Variants in YPEL2 observed in about 807,000 individuals in gnomAD.
YPEL2 encodes protein yippee-like 2.
In YPEL2, 2 loss-of-function variants were observed where a neutral mutation model predicts 19.1. The observed-to-expected ratio is 0.10, with a 90% CI of 0.04 to 0.33. The LOEUF (loss-of-function observed/expected upper bound fraction) is 0.33. YPEL2 is among the 10% of genes least tolerant of loss of function. The probability of loss-of-function intolerance (pLI) is 1.00; values close to 1 mark genes in which losing one functional copy is unlikely to be tolerated. For synonymous variants in YPEL2, 52 were observed against 50.0 expected (o/e 1.04, Z -0.17); for missense variants, 66 against 140.7 (o/e 0.47, Z 2.68).
intron 2 of YPEL2, among the ~76,000 whole-genome samples, chr17:59,364,479 C>A (rs556523144): frequency 1.3e-5 from 2 of 152,294 alleles, no homozygotes; most frequent in African/African-American, 2.4e-5. Flanking sequence ...TTCCCCCCTG[C>A]GTCTTCTGAG....
At chr17:59,335,218 A>G (rs1168089431) in intron 1 of YPEL2, among the ~76,000 whole-genome samples, 2 of 152,218 alleles carry the variant, frequency 1.3e-5, no homozygotes, top group African/African-American at 2.4e-5. Context: ...GAGTCTGTGA[A>G]GTATTGTACT....
intron 2 of YPEL2, among the ~76,000 whole-genome samples, chr17:59,376,861 A>G (rs1035436643): frequency 1.3e-5 from 2 of 150,726 alleles, no homozygotes; most frequent in Non-Finnish European, 2.9e-5. Context: ...AGGCAGGAAA[A>G]TCACTTGAAC....
chr17:59,394,650 G>A (rs1295906380), intron 4 of YPEL2, among the ~76,000 whole-genome samples: 1 of 151,686 alleles, frequency 6.6e-6, no homozygotes, highest in Non-Finnish European at 1.5e-5. Flanking sequence ...GACGATGGGC[G>A]GCCAGGCAGA....
intron 2 of YPEL2, among the ~76,000 whole-genome samples, chr17:59,381,557 T>G (rs1474849678): frequency 6.6e-6 from 1 of 152,214 alleles, no homozygotes; most frequent in Non-Finnish European, 1.5e-5. Flanking sequence ...TTTTCAGTGG[T>G]TCTCCTACTT....
intron 1 of YPEL2, among the ~76,000 whole-genome samples, chr17:59,346,422 C>T (rs1178604728): frequency 6.6e-6 from 1 of 152,098 alleles, no homozygotes; most frequent in East Asian, 1.9e-4. Context: ...TTGTGGTTTT[C>T]CTGGGCATCA....
intron 2 of YPEL2, among the ~76,000 whole-genome samples, chr17:59,375,189 G>A (rs1286659359): frequency 2.6e-5 from 4 of 152,118 alleles, no homozygotes; most frequent in East Asian, 1.9e-4. Context: ...TGACCTTTGC[G>A]CATAGGGAGG....
chr17:59,376,570 C>T (rs1567752151), intron 2 of YPEL2, among the ~76,000 whole-genome samples: 1 of 152,108 alleles, frequency 6.6e-6, no homozygotes, highest in Non-Finnish European at 1.5e-5. Context: ...GTACTTTTCT[C>T]ATCTGTAAGG....
At position 59,392,158 on chromosome 17, in the gene YPEL2, C is replaced by T. The variant is rs115686587; in HGVS notation, c.270+2690C>T. Among the ~76,000 whole-genome samples the T allele has an allele frequency of 3.9e-3, 599 of 152,296 alleles. 3 individuals carry two copies. Among genetic ancestry groups the T allele is most frequent in the African/African-American group, 0.013 (556 of 41,564 alleles). ...CAAGTGCAGAAAAGTTCTGCCCCTGCCCCTGTTTCCCAGCCTCTTGGCTGT... is the reference window on the plus strand; with the variant it reads ...CAAGTGCAGAAAAGTTCTGCCCCTGTCCCTGTTTCCCAGCCTCTTGGCTGT... On this transcript the variant is annotated intron_variant, in intron 4 of 4. Coordinates refer to ENST00000312655, the MANE Select transcript of YPEL2 (RefSeq NM_001005404.4).
At chr17:59,383,587 AAAAAAAAAAAAAAAAAAAAAAAATAT>A (rs1384720023) in intron 2 of YPEL2, among the ~76,000 whole-genome samples, 2 of 38,778 alleles carry the variant, frequency 5.2e-5, no homozygotes, top group African/African-American at 2.4e-4. Flanking sequence ...AAAAAAAAAA[AAAAAAAAAAAAAAAAAAAAAAAATAT>A]ATATATATAT....
At chr17:59,394,643 G>A (rs1035804649) in intron 4 of YPEL2, among the ~76,000 whole-genome samples, 3 of 151,350 alleles carry the variant, frequency 2.0e-5, no homozygotes, top group Non-Finnish European at 4.4e-5. Context: ...CATCCCAGAC[G>A]ATGGGCGGCC....
intron 4 of YPEL2, among the ~76,000 whole-genome samples, chr17:59,395,635 G>C (rs2048035070): frequency 6.6e-6 from 1 of 152,124 alleles, no homozygotes; most frequent in Non-Finnish European, 1.5e-5. Flanking sequence ...GGACTGCCAG[G>C]TTCTCTGGCC....
chr17:59,347,989 A>T (rs1817881540), intron 1 of YPEL2, among the ~76,000 whole-genome samples: 1 of 151,996 alleles, frequency 6.6e-6, no homozygotes, highest in African/African-American at 2.4e-5. Flanking sequence ...AAAATAATAG[A>T]TGAAATTTTG....
At chr17:59,378,345 T>G (rs1598046571) in intron 2 of YPEL2, among the ~76,000 whole-genome samples, 1 of 94,608 alleles carries the variant, frequency 1.1e-5, no homozygotes, top group African/African-American at 6.6e-5. Context: ...CAGAGTCTCC[T>G]CCTTTTTTTT....
chr17:59,364,551 C>T (rs958182178), intron 2 of YPEL2, among the ~76,000 whole-genome samples: 10 of 151,994 alleles, frequency 6.6e-5, no homozygotes, highest in South Asian at 2.1e-4. Flanking sequence ...GGTATAACTC[C>T]GAGCCCAACC....
At chr17:59,383,121 AGT>A (rs1257011432) in intron 2 of YPEL2, among the ~76,000 whole-genome samples, 2 of 152,230 alleles carry the variant, frequency 1.3e-5, no homozygotes, top group Admixed American at 6.5e-5. Context: ...ATAGGAATTG[AGT>A]GTGCAGGCAT....
rs1484546857 is a variant in YPEL2, at chr17:59,400,769, TTTC to T, written c.*3580_*3582del. The stretch of plus-strand genomic sequence containing the variant: ...GCGCGCACACGTGTGTAAAAAGCAC[TTTC>T]GATTGTGCCTCCTGTTTTCTCGAGT... On this transcript the variant is annotated 3_prime_UTR_variant, in exon 5 of 5. Coordinates refer to ENST00000312655, the MANE Select transcript of YPEL2 (RefSeq NM_001005404.4). The T allele has an allele frequency of 2.0e-5, 3 of 152,624 alleles. No individual in the cohort carries two copies. The highest frequency in any genetic ancestry group is 7.2e-5 in the African/African-American group (3 of 41,446). 9.5% of individuals were successfully genotyped at this position (152,624 alleles called of 1,614,324 possible). A position where few individuals can be genotyped will look rare whatever the true frequency, so the allele number is the denominator to read the frequency against.
chr17:59,394,466 A>G (rs1338119459), intron 4 of YPEL2, among the ~76,000 whole-genome samples: 1 of 150,514 alleles, frequency 6.6e-6, no homozygotes, highest in Non-Finnish European at 1.5e-5. Flanking sequence ...GCGGCCGGGA[A>G]GAGGCACTCC....
In YPEL2 at chr17:59,400,545, CCT is replaced by C. The variant is rs2048065521; in HGVS notation, c.*3360_*3361del. ...TCTGGATCAAGGCTTTGAAGCAATG[CCT>C]CTCTGCATTTTTTCCCCAGTGGAAC... On this transcript the variant is annotated 3_prime_UTR_variant, in exon 5 of 5. Transcript: ENST00000312655. The C allele has an allele frequency of 6.6e-6, 1 of 151,746 alleles. No individual in the cohort carries two copies. The highest frequency in any genetic ancestry group is 2.1e-4 in the South Asian group (1 of 4,788). The allele number at this position is 151,746 out of a possible 1,614,324, so 9.4% of individuals were successfully genotyped here. A position where few individuals can be genotyped will look rare whatever the true frequency, so the allele number is the denominator to read the frequency against.
In YPEL2 at chr17:59,398,660, G is replaced by A. The variant is rs986120216; in HGVS notation, c.*1470G>A. 6.6e-6 allele frequency: 1 copy of A among 152,200 alleles called. No individual in the cohort carries two copies. The highest frequency in any genetic ancestry group is 2.4e-5 in the African/African-American group (1 of 41,452). 9.4% of individuals were successfully genotyped at this position (152,200 alleles called of 1,614,324 possible). On this transcript the variant is annotated 3_prime_UTR_variant, in exon 5 of 5. Transcript: ENST00000312655. ...GCAATTCAGCCATTACACAGTATAT[G>A]ACTGAAACTCATTTAACTGGGTTAA...
Sources: allele counts gnomAD v4.1 joint callset (sites outside exome capture counted in the v4.1 genomes callset), GRCh38; gene constraint gnomAD v4.1.1; transcripts MANE v1.5; gene names NCBI Gene and HGNC (gene_info 2026-07-23, HGNC 2026-07-21).